TMEM131: variants seen among roughly 807,000 people sequenced by gnomAD.
TMEM131 encodes 2610524E03Rik.
Under a neutral mutation model 211.6 loss-of-function variants are expected in TMEM131, and 66 were observed. The observed-to-expected ratio is 0.31, with a 90% CI of 0.26 to 0.38. The LOEUF is 0.38. TMEM131 is among the 10% of genes least tolerant of loss of function. The probability of loss-of-function intolerance (pLI) is 1.00; values close to 1 mark genes in which losing one functional copy is unlikely to be tolerated. For missense variants in TMEM131, 2,036 were observed against 2,299.3 expected, an observed-to-expected ratio of 0.89 and a Z score of 2.34; for synonymous variants, 844 against 841.3, an observed-to-expected ratio of 1.00 and a Z score of -0.06.
chr2:97,772,204 C>A, intron 33 of TMEM131, 93 bp downstream of exon 33: 1 of 1,515,802 alleles, frequency 6.6e-7, no homozygotes, highest in Non-Finnish European at 8.9e-7. Context: ...TAAAAGCCAA[C>A]CAGCCAGCCA....
intron 1 of TMEM131, among the ~76,000 whole-genome samples, chr2:97,980,498 G>A (rs980153088): frequency 3.3e-5 from 5 of 152,134 alleles, no homozygotes; most frequent in South Asian, 2.1e-4. Context: ...TGGTACAGCC[G>A]CTTTGGAAAA....
At chr2:97,992,568 T>G (rs1680313722) in intron 1 of TMEM131, among the ~76,000 whole-genome samples, 1 of 152,156 alleles carries the variant, frequency 6.6e-6, no homozygotes, top group Admixed American at 6.5e-5. Flanking sequence ...AACTATAGCT[T>G]CTCATTTATA....
intron 19 of TMEM131, among the ~76,000 whole-genome samples, chr2:97,808,975 C>G (rs1681432072): frequency 6.6e-6 from 1 of 152,206 alleles, no homozygotes; most frequent in Non-Finnish European, 1.5e-5. Flanking sequence ...GCCTCAGCCA[C>G]AGCCATGCGC....
chr2:97,762,554 C>T (rs758132448), intron 35 of TMEM131: 37 of 234,512 alleles, frequency 1.6e-4, no homozygotes, highest in South Asian at 6.5e-4. Flanking sequence ...TGTGCCTACA[C>T]GCAGGTTTAC....
At chr2:97,985,200 A>G (rs1297706913) in intron 1 of TMEM131, among the ~76,000 whole-genome samples, 1 of 152,214 alleles carries the variant, frequency 6.6e-6, no homozygotes, top group African/African-American at 2.4e-5. Context: ...GAAAAACATA[A>G]GGATGCCTGC....
intron 1 of TMEM131, among the ~76,000 whole-genome samples, chr2:97,956,865 G>A (rs112407895): frequency 0.018 from 2,812 of 152,100 alleles, 51 homozygotes; most frequent in East Asian, 0.1. Context: ...TTGGGAGGCC[G>A]AGGCAGGCAA....
At chr2:97,933,814 C>G (rs1360389269) in intron 1 of TMEM131, among the ~76,000 whole-genome samples, 1 of 152,122 alleles carries the variant, frequency 6.6e-6, no homozygotes, top group Non-Finnish European at 1.5e-5. Flanking sequence ...ATCATATCAA[C>G]TGACACAGAA....
At chr2:97,898,068 AT>A (rs1013140017) in intron 3 of TMEM131, among the ~76,000 whole-genome samples, 10 of 151,720 alleles carry the variant, frequency 6.6e-5, no homozygotes, top group African/African-American at 1.9e-4. Flanking sequence ...TTCATTACTG[AT>A]TTTTTTTGTC....
Position 97,995,651 on chromosome 2 carries a change from C to A in TMEM131, c.12G>T (p.Arg4=). The stretch of plus-strand genomic sequence containing the variant: ...TGGCTCCGGTTGCTCCTCCTCCCGC[C>A]CGCTTCCCCATCCCTGCCGGCCGGG... The part of the protein sequence containing the change: MGK[R]AGGGATGATT... Residue 4 remains arginine (R), a synonymous_variant, in exon 1 of 41, where the codon CGG becomes CGT. Transcript: ENST00000186436. 1 of 1,214,734 alleles carries A rather than the reference C, an allele frequency of 8.2e-7. No homozygotes were observed. The highest frequency in any genetic ancestry group is 3.2e-4 in the Middle Eastern group (1 of 3,094). The allele number at this position is 1,214,734 out of a possible 1,614,324, so 75.2% of individuals were successfully genotyped here. A position where few individuals can be genotyped will look rare whatever the true frequency, so the allele number is the denominator to read the frequency against.
intron 1 of TMEM131, among the ~76,000 whole-genome samples, chr2:97,980,512 G>A (rs549558250): frequency 2.0e-5 from 3 of 152,248 alleles, no homozygotes; most frequent in Non-Finnish European, 4.4e-5. Flanking sequence ...TGGAAAACAG[G>A]TTAGCAGTTT....
At chr2:97,805,306 T>C (rs1681245225) in intron 21 of TMEM131, 70 bp downstream of exon 21, 1 of 1,568,740 alleles carries the variant, frequency 6.4e-7, no homozygotes, top group East Asian at 2.3e-5. Flanking sequence ...ACTTTAAAAG[T>C]GGCGGCCTCT....
At chr2:97,941,541 T>C (rs866881375) in intron 1 of TMEM131, among the ~76,000 whole-genome samples, 1 of 152,160 alleles carries the variant, frequency 6.6e-6, no homozygotes, top group Non-Finnish European at 1.5e-5. Flanking sequence ...ACAGGCAACC[T>C]ACAGAATGGG....
chr2:97,776,143 T>A, intron 31 of TMEM131, 125 bp from the exon 32 acceptor site: 1 of 945,422 alleles, frequency 1.1e-6, no homozygotes, highest in Non-Finnish European at 1.5e-6. Context: ...AAGCTCCGCC[T>A]CCCGGGTTCA....
At chr2:97,875,350 G>C (rs1003658152) in intron 4 of TMEM131, among the ~76,000 whole-genome samples, 1 of 152,162 alleles carries the variant, frequency 6.6e-6, no homozygotes, top group African/African-American at 2.4e-5. Flanking sequence ...CCTGAACTCA[G>C]CTCTGGACCA....
chr2:97,820,749 C>T (rs1180420931), intron 11 of TMEM131, among the ~76,000 whole-genome samples: 11 of 151,860 alleles, frequency 7.2e-5, no homozygotes, highest in East Asian at 3.9e-4. Context: ...CCCAGCTACT[C>T]GGGAAGCTGA....
chr2:97,949,229 A>G (rs1281600533), intron 1 of TMEM131, among the ~76,000 whole-genome samples: 1 of 152,226 alleles, frequency 6.6e-6, no homozygotes, highest in African/African-American at 2.4e-5. Flanking sequence ...TCTAAAAATA[A>G]TCATGCTGAG....
At chr2:97,831,712 C>T (rs1573430337) in intron 11 of TMEM131, among the ~76,000 whole-genome samples, 2 of 129,704 alleles carry the variant, frequency 1.5e-5, no homozygotes, top group East Asian at 2.1e-4. Flanking sequence ...GTCTGTTGCC[C>T]AGGCTGGAGC....
intron 4 of TMEM131, among the ~76,000 whole-genome samples, chr2:97,866,286 C>G (rs950043027): frequency 1.7e-4 from 26 of 152,340 alleles, no homozygotes; most frequent in Admixed American, 2.0e-4. Flanking sequence ...TTGGGTCTTT[C>G]CGGAAATCTG....
chr2:97,977,109 G>A (rs1365515000), intron 1 of TMEM131, among the ~76,000 whole-genome samples: 2 of 152,202 alleles, frequency 1.3e-5, no homozygotes, highest in African/African-American at 4.8e-5. Flanking sequence ...CTTGCATTAG[G>A]CAGAGATTTC....
Sources: gnomAD v4.1 joint callset for allele counts (sites outside exome capture counted in the v4.1 genomes callset) on GRCh38, gnomAD v4.1.1 for gene constraint, MANE v1.5 for transcripts, NCBI Gene and HGNC (gene_info 2026-07-23, HGNC 2026-07-21) for gene names.